Variants in RASSF8 observed in about 807,000 individuals in gnomAD.
RASSF8 encodes ras association domain-containing protein 8.
A neutral mutation model predicts 48.5 loss-of-function variants in RASSF8; 22 were observed. The observed-to-expected ratio is 0.45, with a 90% CI of 0.32 to 0.65. The LOEUF (loss-of-function observed/expected upper bound fraction) is 0.65, where lower values mean the gene tolerates loss of function less well. Ranked by LOEUF, RASSF8 falls within the 30% of genes least tolerant of loss-of-function variation. The pLI, the probability that RASSF8 is intolerant of heterozygous loss-of-function variation, is 0.03. For synonymous variants in RASSF8, 127 were observed against 171.5 expected (o/e 0.74, Z 2.03); for missense variants, 418 against 489.2 (o/e 0.85, Z 1.37).
In RASSF8 at chr12:26,022,804, C is replaced by T. The variant is rs751835724; in HGVS notation, c.-109+27674C>T. On this transcript the variant is annotated intron_variant, in intron 2 of 5. Coordinates refer to ENST00000689635, the MANE Select transcript of RASSF8 (RefSeq NM_001394098.1). ...TTGCCCAGGTTGGAGTGCAATGGCG[C>T]GATCTCGGCTCACTGCAACTTCCGC... Among the ~76,000 whole-genome samples the T allele has an allele frequency of 2.8e-4, 42 of 152,030 alleles. 1 individual carries two copies. The highest frequency in any genetic ancestry group is 5.0e-4 in the Non-Finnish European group (34 of 67,974).
At chr12:26,032,081 GTATC>G (rs555441192) in intron 2 of RASSF8, among the ~76,000 whole-genome samples, 2 of 152,090 alleles carry the variant, frequency 1.3e-5, no homozygotes, top group Non-Finnish European at 2.9e-5. Flanking sequence ...TGGAAATTTT[GTATC>G]TGGAAAATTT....
At chr12:26,065,474 T>G (rs564729345) in intron 4 of RASSF8, 87 bp downstream of exon 4, 1 of 1,462,128 alleles carries the variant, frequency 6.8e-7, no homozygotes, top group African/African-American at 1.4e-5. Context: ...CAATTTTTCC[T>G]TATATTCAAA....
intron 2 of RASSF8, among the ~76,000 whole-genome samples, chr12:26,004,830 T>C (rs1942347083): frequency 6.6e-6 from 1 of 152,102 alleles, no homozygotes; most frequent in Non-Finnish European, 1.5e-5. Context: ...CATTGTACAT[T>C]TAAATTGTTC....
rs141635296 is a variant in RASSF8 at position 26,065,280 on chromosome 12, G to A, written c.886G>A (p.Gly296Ser). The stretch of plus-strand genomic sequence containing the variant: ...TGAGGAAGAGGTTAAAGGAAAGATC[G>A]GTAAGGTCAAAGGGGAGATTGACAT... ...VNEEEVKGKI[G>S]KVKGEIDIQG... The change falls in exon 4 of 6, where the codon GGT (glycine) becomes AGT (serine). Residue 296 changes from glycine (G) to serine (S), a missense_variant. Transcript: ENST00000689635. 1.3e-4 allele frequency: 202 copies of A among 1,614,136 alleles called. No homozygotes were observed. The highest frequency in any genetic ancestry group is 8.9e-4 in the African/African-American group (67 of 75,024).
At chr12:26,026,172 AC>A (rs111790300) in intron 2 of RASSF8, among the ~76,000 whole-genome samples, 4,018 of 152,320 alleles carry the variant, frequency 0.026, 157 homozygotes, top group African/African-American at 0.09. Context: ...TTCACATGAC[AC>A]CATCAAAAGT....
At chr12:26,077,974 G>A (rs1335991027) in intron 5 of RASSF8, among the ~76,000 whole-genome samples, 1 of 152,176 alleles carries the variant, frequency 6.6e-6, no homozygotes, top group Non-Finnish European at 1.5e-5. Flanking sequence ...TCAAAATCGA[G>A]GTTAATTTTG....
chr12:25,972,508 A>G (rs1941507009), intron 1 of RASSF8, among the ~76,000 whole-genome samples: 1 of 152,204 alleles, frequency 6.6e-6, no homozygotes, highest in African/African-American at 2.4e-5. Context: ...GCACTGGTTA[A>G]GTAAATTATT....
At chr12:26,077,409 G>C (rs555412504), downstream of RASSF8, among the ~76,000 whole-genome samples, 1 of 152,316 alleles carries the variant, frequency 6.6e-6, no homozygotes, top group East Asian at 1.9e-4. Context: ...TAACACTTAA[G>C]TCCTTAATCC....
At chr12:26,078,255 A>T (rs181977159) in intron 5 of RASSF8, among the ~76,000 whole-genome samples, 3 of 152,366 alleles carry the variant, frequency 2.0e-5, no homozygotes, top group African/African-American at 7.2e-5. Context: ...ATTAGAATTA[A>T]TGAGAAAAAT....
intron 3 of RASSF8, among the ~76,000 whole-genome samples, chr12:26,061,268 A>G (rs1943735958): frequency 6.6e-6 from 1 of 152,082 alleles, no homozygotes; most frequent in South Asian, 2.1e-4. Context: ...TCAAAATGTT[A>G]TGTTACTTTA....
chr12:26,017,732 A>G (rs1272029527), intron 2 of RASSF8, among the ~76,000 whole-genome samples: 1 of 152,242 alleles, frequency 6.6e-6, no homozygotes, highest in Non-Finnish European at 1.5e-5. Context: ...AGACTGGGGA[A>G]GCCCCCATGC....
chr12:25,966,049 C>T (rs1941352625), intron 1 of RASSF8, among the ~76,000 whole-genome samples: 1 of 152,072 alleles, frequency 6.6e-6, no homozygotes, highest in East Asian at 1.9e-4. Flanking sequence ...GGTAAGTACC[C>T]AGGAGTGGAA....
chr12:25,997,153 C>T (rs1010678050), intron 2 of RASSF8, among the ~76,000 whole-genome samples: 1 of 152,026 alleles, frequency 6.6e-6, no homozygotes, highest in Non-Finnish European at 1.5e-5. Flanking sequence ...AAGTTTAAAG[C>T]CCATATTTTG....
intron 2 of RASSF8, among the ~76,000 whole-genome samples, chr12:26,014,645 T>C (rs1298771421): frequency 6.6e-6 from 1 of 152,142 alleles, no homozygotes; most frequent in Non-Finnish European, 1.5e-5. Flanking sequence ...ATATTTGAAA[T>C]AAGAAACAAA....
At chr12:25,992,633 G>A (rs904365250) in intron 1 of RASSF8, among the ~76,000 whole-genome samples, 2 of 152,280 alleles carry the variant, frequency 1.3e-5, no homozygotes, top group East Asian at 3.9e-4. Context: ...CCAACTTGAA[G>A]GAGAGGCAGG....
intron 1 of RASSF8, among the ~76,000 whole-genome samples, chr12:25,992,936 A>G (rs1942048175): frequency 6.6e-6 from 1 of 152,214 alleles, no homozygotes; most frequent in African/African-American, 2.4e-5. Context: ...AAGCAGTAGG[A>G]TAATAGGATT....
At position 26,065,789 on chromosome 12, in the gene RASSF8, T is replaced by G. The variant is rs531220932; in HGVS notation, c.993+402T>G. Reference sequence around the variant, plus strand: ...CCATTGTTGCCAGCCAATCCCAGCTTCTTTCCTGACACATAAACAGCCCCC... The same window carrying G: ...CCATTGTTGCCAGCCAATCCCAGCTGCTTTCCTGACACATAAACAGCCCCC... On this transcript the variant is annotated intron_variant, in intron 4 of 5. Coordinates refer to ENST00000689635, the MANE Select transcript of RASSF8 (RefSeq NM_001394098.1). 2.6e-5 allele frequency among the ~76,000 whole-genome samples: 4 copies of G among 152,320 alleles called. No homozygotes were observed. In the South Asian group the frequency reaches 6.2e-4, roughly 24 times the overall value.
rs1289711253 is a variant in RASSF8, at chr12:26,068,998, CTG to C, written c.*184_*185del. 7 of 1,334,054 alleles carry C rather than the reference CTG, an allele frequency of 5.2e-6. No individual in the cohort carries two copies. In the South Asian group the frequency reaches 7.1e-5, roughly 14 times the overall value. The allele number at this position is 1,334,054 out of a possible 1,614,324, so 82.6% of individuals were successfully genotyped here. On this transcript the variant is annotated 3_prime_UTR_variant, in exon 6 of 6. Coordinates refer to ENST00000689635, the MANE Select transcript of RASSF8 (RefSeq NM_001394098.1). Reference sequence around the variant, plus strand: ...GCACTGATGCTAAAGAACAAAGAAACTGTGTTTTCACACATCAACAGTGTTGA... The same window carrying C: ...GCACTGATGCTAAAGAACAAAGAAACTGTTTTCACACATCAACAGTGTTGA...
chr12:26,020,105 A>T (rs1420238814), intron 2 of RASSF8: 2 of 152,176 alleles, frequency 1.3e-5, no homozygotes, highest in Non-Finnish European at 2.9e-5. Flanking sequence ...AATCTGGAGA[A>T]GAGGGACTTA....
Sources: gnomAD v4.1 joint callset for allele counts (sites outside exome capture counted in the v4.1 genomes callset) on GRCh38, gnomAD v4.1.1 for gene constraint, MANE v1.5 for transcripts, NCBI Gene and HGNC (gene_info 2026-07-23, HGNC 2026-07-21) for gene names.